TLK2: variants seen among roughly 807,000 people sequenced by gnomAD.
TLK2 encodes the protein tousled like kinase 2, also known as serine/threonine-protein kinase tousled-like 2.
Under a neutral mutation model 117.3 loss-of-function variants are expected in TLK2, and 6 were observed. That is an observed-to-expected ratio of 0.05 (90% CI 0.03 to 0.10). The LOEUF is 0.10. Among genes scored for constraint, TLK2 ranks in the 10% least tolerant of loss-of-function variants. The pLI is 1.00. For missense variants in TLK2, 299 were observed against 901.2 expected, an observed-to-expected ratio of 0.33 and a Z score of 8.56; for synonymous variants, 257 against 316.7, an observed-to-expected ratio of 0.81 and a Z score of 2.00.
intron 21 of TLK2, 23 bp from the exon 22 acceptor site, chr17:62,612,369 C>A (rs2083870725): frequency 6.2e-7 from 1 of 1,607,474 alleles, no homozygotes; most frequent in Non-Finnish European, 8.5e-7. Flanking sequence ...CTGCCTCTGT[C>A]TTCAAGAAAC....
At chr17:62,499,553 A>G (rs2074010724) in intron 2 of TLK2, among the ~76,000 whole-genome samples, 1 of 151,940 alleles carries the variant, frequency 6.6e-6, no homozygotes, top group Non-Finnish European at 1.5e-5. Context: ...CATTTGTTGT[A>G]TAGTATTATT....
At chr17:62,529,921 G>A (rs183034241) in intron 6 of TLK2, among the ~76,000 whole-genome samples, 2 of 152,032 alleles carry the variant, frequency 1.3e-5, no homozygotes, top group African/African-American at 4.8e-5. Context: ...ACCGCCGGGC[G>A]TGGTGGTTCA....
At chr17:62,595,285 T>A (rs1345807932) in intron 16 of TLK2, among the ~76,000 whole-genome samples, 4 of 133,908 alleles carry the variant, frequency 3.0e-5, no homozygotes, top group African/African-American at 1.3e-4. Flanking sequence ...CTGGCCCCCT[T>A]TTTTTTTTTT....
intron 9 of TLK2, among the ~76,000 whole-genome samples, chr17:62,559,439 C>T (rs190486923): frequency 1.3e-4 from 20 of 150,306 alleles, no homozygotes; most frequent in African/African-American, 4.7e-4. Flanking sequence ...AGTGCAGTGG[C>T]GTGATCTTGG....
rs534677304 is a variant in TLK2 at position 62,489,623 on chromosome 17, G to T, written c.81+8417G>T. Among the ~76,000 whole-genome samples the T allele has an allele frequency of 3.3e-5, 5 of 151,992 alleles. No individual in the cohort carries two copies. In the East Asian group the frequency reaches 9.6e-4, roughly 29 times the overall value. ...ATTCACATTTTGCATTATTACAGGT[G>T]TGAGCTACCATGCCCAGCCTGTATA... On this transcript the variant is annotated intron_variant, in intron 2 of 21. Transcript: ENST00000346027.
At chr17:62,594,189 C>T (rs2082286170) in intron 16 of TLK2, among the ~76,000 whole-genome samples, 1 of 152,070 alleles carries the variant, frequency 6.6e-6, no homozygotes, top group Non-Finnish European at 1.5e-5. Flanking sequence ...AGGCGGATCA[C>T]TTGAAGTCAG....
intron 1 of TLK2, among the ~76,000 whole-genome samples, chr17:62,471,431 T>A (rs191625017): frequency 2.2e-4 from 34 of 152,354 alleles, no homozygotes; most frequent in African/African-American, 7.2e-4. Flanking sequence ...AGCCTTTGAA[T>A]GCTCAATCTA....
intron 2 of TLK2, among the ~76,000 whole-genome samples, chr17:62,509,673 T>C (rs894538378): frequency 6.6e-6 from 1 of 152,152 alleles, no homozygotes; most frequent in East Asian, 1.9e-4. Flanking sequence ...GTGTTGCCAG[T>C]GTATTAAGAG....
At chr17:62,488,490 T>G (rs938900913) in intron 2 of TLK2, among the ~76,000 whole-genome samples, 1 of 152,194 alleles carries the variant, frequency 6.6e-6, no homozygotes, top group African/African-American at 2.4e-5. Flanking sequence ...GTATGAATGC[T>G]GAGAAATGGC....
intron 10 of TLK2, 169 bp downstream of exon 10, chr17:62,560,295 C>T (rs924624710): frequency 5.7e-5 from 24 of 424,370 alleles, no homozygotes; most frequent in African/African-American, 4.1e-4. Flanking sequence ...ACCAACCATC[C>T]AGAGTGTTAA....
At chr17:62,586,104 T>G (rs1268831004) in intron 15 of TLK2, 31 bp from the exon 16 acceptor site, 2 of 1,544,242 alleles carry the variant, frequency 1.3e-6, no homozygotes, top group African/African-American at 2.8e-5. Context: ...TTCTTAACAT[T>G]TACCCAGTAT....
chr17:62,495,834 T>C (rs188849050), intron 2 of TLK2, among the ~76,000 whole-genome samples: 7 of 151,594 alleles, frequency 4.6e-5, no homozygotes, highest in African/African-American at 1.7e-4. Flanking sequence ...AATTTTTTTT[T>C]TTGTTTTTTA....
At chr17:62,528,396 T>C (rs2076520076) in intron 6 of TLK2, among the ~76,000 whole-genome samples, 1 of 152,140 alleles carries the variant, frequency 6.6e-6, no homozygotes, top group Non-Finnish European at 1.5e-5. Flanking sequence ...TGATTTTTAT[T>C]TTTTTAAATT....
intron 6 of TLK2, among the ~76,000 whole-genome samples, chr17:62,528,635 T>A (rs1166299651): frequency 2.6e-5 from 4 of 152,162 alleles, no homozygotes; most frequent in African/African-American, 9.7e-5. Flanking sequence ...CAGGCTGGCC[T>A]CTATCTCCTG....
At chr17:62,540,400 ATTTTTTT>A (rs534202077) in intron 7 of TLK2, among the ~76,000 whole-genome samples, 9 of 19,994 alleles carry the variant, frequency 4.5e-4, no homozygotes, top group Non-Finnish European at 1.1e-3. Flanking sequence ...TATGTTCAGA[ATTTTTTT>A]TTTTTTTTTT....
At chr17:62,563,516 A>G (rs923281840) in intron 10 of TLK2, among the ~76,000 whole-genome samples, 2 of 152,228 alleles carry the variant, frequency 1.3e-5, no homozygotes, top group African/African-American at 4.8e-5. Flanking sequence ...AAAGCTATAA[A>G]GAAGAGGAAA....
rs1290024544 is a variant in TLK2 at position 62,614,527 on chromosome 17, C to A, written c.*1962C>A. 2 of 152,082 alleles carry A rather than the reference C, an allele frequency of 1.3e-5. No homozygotes were observed. Among genetic ancestry groups the A allele is most frequent in the Non-Finnish European group, 2.9e-5 (2 of 68,040 alleles). The allele number at this position is 152,082 out of a possible 1,614,324, so 9.4% of individuals were successfully genotyped here. On this transcript the variant is annotated 3_prime_UTR_variant, in exon 22 of 22. Coordinates refer to ENST00000346027, the MANE Select transcript of TLK2 (RefSeq NM_006852.6). ...TCACTGATGACACATTTTCTAGGAC[C>A]TTCGTTTGTTTTGTGGACCTGCCTC... is the stretch of plus-strand genomic sequence containing the variant.
intron 16 of TLK2, among the ~76,000 whole-genome samples, chr17:62,586,653 C>G (rs1376186908): frequency 6.6e-6 from 1 of 152,034 alleles, no homozygotes; most frequent in African/African-American, 2.4e-5. Flanking sequence ...AACCCCGTCT[C>G]TACTAAAAAT....
intron 15 of TLK2, among the ~76,000 whole-genome samples, chr17:62,581,797 C>T (rs538913340): frequency 1.7e-4 from 26 of 152,048 alleles, no homozygotes; most frequent in Non-Finnish European, 3.7e-4. Flanking sequence ...CCCATAGTCA[C>T]CTTTTGTATG....
Sources: gnomAD v4.1 joint callset for allele counts (sites outside exome capture counted in the v4.1 genomes callset) on GRCh38, gnomAD v4.1.1 for gene constraint, MANE v1.5 for transcripts, NCBI Gene and HGNC (gene_info 2026-07-23, HGNC 2026-07-21) for gene names.